The following CHN2 variants were observed in gnomAD, a reference collection of about 807,000 sequenced individuals.
CHN2 encodes beta-chimaerin.
CHN2 carries 35 observed loss-of-function variants against 56.3 expected under a neutral mutation model. The observed-to-expected ratio is 0.62, with a 90% CI of 0.47 to 0.82. The LOEUF (loss-of-function observed/expected upper bound fraction) is 0.82, where lower values mean the gene tolerates loss of function less well. Ranked by LOEUF, CHN2 falls within the 40% of genes least tolerant of loss-of-function variation. The probability of loss-of-function intolerance (pLI) is 0.00; values close to 1 mark genes in which losing one functional copy is unlikely to be tolerated. For missense variants in CHN2, 491 were observed against 580.5 expected (o/e 0.85, Z 1.58); for synonymous variants, 210 against 212.8 (o/e 0.99, Z 0.12).
At chr7:29,459,937 T>C (rs1043167344) in intron 6 of CHN2, among the ~76,000 whole-genome samples, 1 of 152,084 alleles carries the variant, frequency 6.6e-6, no homozygotes, top group Non-Finnish European at 1.5e-5. Context: ...TAGAATACAA[T>C]AGGCGTTCTC....
chr7:29,342,675 C>G (rs940106375), intron 1 of CHN2, among the ~76,000 whole-genome samples: 9 of 152,308 alleles, frequency 5.9e-5, no homozygotes, highest in African/African-American at 1.9e-4. Flanking sequence ...AAGAGCTAAC[C>G]TCTTCAGGAA....
intron 6 of CHN2, among the ~76,000 whole-genome samples, chr7:29,424,741 A>G (rs980503371): frequency 5.9e-5 from 9 of 152,208 alleles, no homozygotes; most frequent in Non-Finnish European, 7.3e-5. Context: ...TCATATGGCA[A>G]CCAATTTAGC....
chr7:29,308,926 A>G (rs1794372573), intron 1 of CHN2, among the ~76,000 whole-genome samples: 1 of 152,136 alleles, frequency 6.6e-6, no homozygotes, highest in South Asian at 2.1e-4. Context: ...GGGTGTGAGG[A>G]TAGGAACATG....
At chr7:29,325,239 T>C (rs901408112) in intron 1 of CHN2, among the ~76,000 whole-genome samples, 4 of 152,242 alleles carry the variant, frequency 2.6e-5, no homozygotes, top group African/African-American at 9.6e-5. Context: ...CAACAGACTC[T>C]CCCAGCGGGT....
In CHN2 at chr7:29,324,483, T is replaced by C. The variant is rs529984213; in HGVS notation, c.50-30142T>C. Among the ~76,000 whole-genome samples, 17 of 152,308 alleles carry C rather than the reference T, an allele frequency of 1.1e-4. No homozygotes were observed. In the South Asian group the frequency reaches 2.5e-3, roughly 22 times the overall value. On this transcript the variant is annotated intron_variant, in intron 1 of 12. Coordinates refer to ENST00000222792, the MANE Select transcript of CHN2 (RefSeq NM_004067.4). The stretch of plus-strand genomic sequence containing the variant: ...GTTGGGTTAGTTCAGCTGTTACAAT[T>C]TTTCTCACTGATAGAATTTTTGCAA...
intron 1 of CHN2, among the ~76,000 whole-genome samples, chr7:29,327,837 T>TAAA (rs1795929932): frequency 2.0e-5 from 3 of 152,242 alleles, no homozygotes; most frequent in Non-Finnish European, 4.4e-5. Flanking sequence ...ATTTAACAGT[T>TAAA]TGGTCTTTGC....
intron 1 of CHN2, among the ~76,000 whole-genome samples, chr7:29,347,464 A>G (rs1205309407): frequency 2.6e-5 from 4 of 152,156 alleles, no homozygotes; most frequent in Non-Finnish European, 2.9e-5. Flanking sequence ...ACTTACAATC[A>G]TGGTGGAAGG....
intron 6 of CHN2, among the ~76,000 whole-genome samples, chr7:29,407,051 T>C (rs1802716459): frequency 6.6e-6 from 1 of 152,176 alleles, no homozygotes; most frequent in Non-Finnish European, 1.5e-5. Context: ...TCTCAGCACG[T>C]GCTCCTTCCT....
chr7:29,462,792 T>C (rs1475004489), intron 6 of CHN2, among the ~76,000 whole-genome samples: 1 of 152,052 alleles, frequency 6.6e-6, no homozygotes, highest in Non-Finnish European at 1.5e-5. Context: ...TACTTTAAGT[T>C]TTAGGGTATA....
intron 1 of CHN2, among the ~76,000 whole-genome samples, chr7:29,240,351 G>A (rs1367678640): frequency 3.9e-5 from 6 of 152,190 alleles, no homozygotes; most frequent in African/African-American, 1.4e-4. Context: ...AAAGCAGAAT[G>A]AGTATTGACT....
At chr7:29,343,419 T>G (rs1356060200) in intron 1 of CHN2, among the ~76,000 whole-genome samples, 1 of 152,082 alleles carries the variant, frequency 6.6e-6, no homozygotes, top group Non-Finnish European at 1.5e-5. Flanking sequence ...ATTGCCACCA[T>G]TTGCTTTCAT....
At chr7:29,391,842 C>G (rs2391756) in intron 3 of CHN2, among the ~76,000 whole-genome samples, 133,067 of 152,242 alleles carry the variant, frequency 0.87, 58,488 homozygotes, top group Non-Finnish European at 0.92. Context: ...GTATTTTTAT[C>G]ATTGGTTGAT....
intron 7 of CHN2, among the ~76,000 whole-genome samples, chr7:29,482,089 C>G (rs1437887014): frequency 6.6e-6 from 1 of 152,100 alleles, no homozygotes; most frequent in African/African-American, 2.4e-5. Flanking sequence ...GTTGCTAACA[C>G]AATATATTAC....
intron 1 of CHN2, among the ~76,000 whole-genome samples, chr7:29,233,068 C>G (rs1056559265): frequency 6.6e-6 from 1 of 152,152 alleles, no homozygotes; most frequent in African/African-American, 2.4e-5. Context: ...CAATGTCATA[C>G]TAGAGAACAA....
intron 1 of CHN2, among the ~76,000 whole-genome samples, chr7:29,333,313 G>A (rs1196838724): frequency 6.6e-6 from 1 of 152,166 alleles, no homozygotes; most frequent in Non-Finnish European, 1.5e-5. Context: ...CCTTTTCTGA[G>A]CCAACAGCTG....
intron 7 of CHN2, among the ~76,000 whole-genome samples, chr7:29,481,588 G>A (rs1208178228): frequency 6.6e-6 from 1 of 151,158 alleles, no homozygotes; most frequent in Non-Finnish European, 1.5e-5. Flanking sequence ...CCTCTTCTAT[G>A]CCAAAGCTTT....
At chr7:29,332,414 C>T (rs1389219844) in intron 1 of CHN2, among the ~76,000 whole-genome samples, 1 of 152,152 alleles carries the variant, frequency 6.6e-6, no homozygotes, top group Admixed American at 6.5e-5. Context: ...GTTCAACTTA[C>T]AATTTTTTTA....
intron 1 of CHN2, among the ~76,000 whole-genome samples, chr7:29,234,497 G>T (rs1787027950): frequency 6.6e-6 from 1 of 152,134 alleles, no homozygotes. Flanking sequence ...TCTTAAGTTT[G>T]CATGGGATTT....
intron 1 of CHN2, among the ~76,000 whole-genome samples, chr7:29,346,733 C>T (rs1035103527): frequency 5.9e-5 from 9 of 152,156 alleles, no homozygotes; most frequent in Non-Finnish European, 1.0e-4. Context: ...TTCTGTGAGT[C>T]GAGTCATCCT....
Sources: gnomAD v4.1 joint callset for allele counts (sites outside exome capture counted in the v4.1 genomes callset) on GRCh38, gnomAD v4.1.1 for gene constraint, MANE v1.5 for transcripts, NCBI Gene and HGNC (gene_info 2026-07-23, HGNC 2026-07-21) for gene names.